Variants in IFRD2 observed in about 807,000 individuals in gnomAD.
IFRD2 encodes the protein interferon related developmental regulator 2, also known as interferon-related developmental regulator 2.
IFRD2 carries 35 observed loss-of-function variants against 49.2 expected under a neutral mutation model. The observed-to-expected ratio is 0.71, with a 90% CI of 0.54 to 0.94. The LOEUF is 0.94. IFRD2 is among the 40% of genes least tolerant of loss of function. IFRD2 has a pLI of 0.00. For missense variants in IFRD2, 561 were observed against 591.6 expected (o/e 0.95, Z 0.54); for synonymous variants, 275 against 239.7 (o/e 1.15, Z -1.36).
rs781800661 is a variant in IFRD2 at position 50,289,321 on chromosome 3, A to T, written c.819T>A (p.Ser273Arg). 3 of 1,601,286 alleles carry T rather than the reference A, an allele frequency of 1.9e-6. No homozygotes were observed. Among genetic ancestry groups the T allele is most frequent in the Non-Finnish European group, 2.6e-6 (3 of 1,174,324 alleles). Reference sequence around the variant, plus strand: ...CACCGGCAGCGATCCGCAGGTTCACACTTTCACTGGACAAGAGCTGGGGCA... The same window carrying T: ...CACCGGCAGCGATCCGCAGGTTCACTCTTTCACTGGACAAGAGCTGGGGCA... ...PRLPQLLSSE[S>R]VNLRIAAGET... is the part of the protein sequence containing the mutation. The change falls in exon 8 of 12, where the codon AGT (serine) becomes AGA (arginine). Residue 273 changes from serine (S) to arginine (R), a missense_variant. Physicochemically the swap from Ser to Arg is moderately radical, Grantham distance 110 (BLOSUM62 -1). Transcript: ENST00000417626.
In IFRD2 at chr3:50,288,421, T is replaced by C; in HGVS notation, c.1236A>G (p.Pro412=). ...CAAGGGTGCAAACCTTCTCAAAGCG[T>C]GGAACCTTGCAGGCCTTCAGGGCAG... ...DATALKACKV[P]RFEKHLYNAA... Residue 412 remains proline (P), a synonymous_variant, in exon 11 of 12, where the codon CCA becomes CCG. Transcript: ENST00000417626. The C allele has an allele frequency of 6.2e-7, 1 of 1,613,138 alleles. No homozygotes were observed. The highest frequency in any genetic ancestry group is 1.1e-5 in the South Asian group (1 of 90,958).
rs782656865 is a variant in IFRD2, at chr3:50,290,502, T to C, written c.179-30A>G. ...AAGGCCACCTGGTCAGCACCGCTTC[T>C]TGTCCTCAGCCCATGGAGCCCTCAC... On this transcript the variant is annotated intron_variant, in intron 2 of 11. Coordinates refer to ENST00000417626, the MANE Select transcript of IFRD2 (RefSeq NM_006764.5). 26 of 1,596,046 alleles carry C rather than the reference T, an allele frequency of 1.6e-5. No individual in the cohort carries two copies. The South Asian group carries it at 2.7e-4, about 17-fold the overall frequency.
rs1701601381 is a variant in IFRD2 at position 50,288,437 on chromosome 3, T to C, written c.1220A>G (p.Lys407Arg). 1.2e-6 allele frequency: 2 copies of C among 1,613,664 alleles called. No individual in the cohort carries two copies. Among genetic ancestry groups the C allele is most frequent in the East Asian group, 4.5e-5 (2 of 44,886 alleles). Residue 407 changes from lysine (K) to arginine (R), a missense_variant, in exon 11 of 12, where the codon AAG becomes AGG. Coordinates refer to ENST00000417626, the MANE Select transcript of IFRD2 (RefSeq NM_006764.5). ...PVLLLDATALKACKVPRFEKH... is the reference protein window; with the variant it reads ...PVLLLDATALRACKVPRFEKH... ...CTCAAAGCGTGGAACCTTGCAGGCC[T>C]TCAGGGCAGTGGCATCCAGCAACAG...
chr3:50,292,143 GAAC>G, intron 1 of IFRD2, 71 bp downstream of exon 1: 1 of 1,399,068 alleles, frequency 7.1e-7, no homozygotes, highest in African/African-American at 1.5e-5. Context: ...GGGCCCTCGA[GAAC>G]AACCAAGGGG....
In IFRD2 at chr3:50,288,282, G is replaced by T. The variant is rs1553708915; in HGVS notation, c.1249-11C>A. ...AGCATTGTACAGGTGCTAGAGTGGGGACAGAGAGTGACACCCTGGGGAGCT... is the reference window on the plus strand; with the variant it reads ...AGCATTGTACAGGTGCTAGAGTGGGTACAGAGAGTGACACCCTGGGGAGCT... On this transcript the variant is annotated splice_polypyrimidine_tract_variant and intron_variant, in intron 11 of 11. Coordinates refer to ENST00000417626, the MANE Select transcript of IFRD2 (RefSeq NM_006764.5). 6.2e-7 allele frequency: 1 copy of T among 1,613,040 alleles called. No individual in the cohort carries two copies. The highest frequency in any genetic ancestry group is 8.5e-7 in the Non-Finnish European group (1 of 1,179,216).
In IFRD2 at chr3:50,290,204, C is replaced by T. The variant is rs368747166; in HGVS notation, c.354G>A (p.Thr118=). 1.3e-5 allele frequency: 21 copies of T among 1,613,620 alleles called. No individual in the cohort carries two copies. The highest frequency in any genetic ancestry group is 1.6e-5 in the Non-Finnish European group (19 of 1,179,788). ...GGCACTTTTCCAGGGCATCGGCTAG[C>T]GTGAGGCGGCGCTCCAGCAAGAAGT... is the stretch of plus-strand genomic sequence containing the variant. The part of the protein sequence containing the change: ...LPDFLLERRL[T]LADALEKCLK... Residue 118 remains threonine, a synonymous_variant, in exon 4 of 12, where the codon ACG becomes ACA. Transcript: ENST00000417626.
At chr3:50,290,494 A>G (rs1553709643) in intron 2 of IFRD2, 22 bp from the exon 3 acceptor site, 1 of 1,588,650 alleles carries the variant, frequency 6.3e-7, no homozygotes, top group Non-Finnish European at 8.6e-7. Context: ...CCTGGTCAGC[A>G]CCGCTTCTTG....
In IFRD2 at chr3:50,287,909, G is replaced by A; in HGVS notation, c.*282C>T. On this transcript the variant is annotated 3_prime_UTR_variant, in exon 12 of 12. Transcript: ENST00000417626. ...GGGGAGCAAGGCCTGAGAAAGGAAA[G>A]GAAGGGAAAGGCCCCCTAGTGCCTG... is the stretch of plus-strand genomic sequence containing the variant. The A allele has an allele frequency of 2.3e-6, 1 of 427,860 alleles. No homozygotes were observed. The highest frequency in any genetic ancestry group is 3.0e-5 in the South Asian group (1 of 33,468). The allele number at this position is 427,860 out of a possible 1,614,324, so 26.5% of individuals were successfully genotyped here. A position where few individuals can be genotyped will look rare whatever the true frequency, so the allele number is the denominator to read the frequency against.
intron 8 of IFRD2, 108 bp downstream of exon 8, chr3:50,289,147 C>T: frequency 5.1e-6 from 6 of 1,186,474 alleles, no homozygotes; most frequent in Non-Finnish European, 7.3e-6. Flanking sequence ...GGGGCCACCT[C>T]CTCTGCATAA....
chr3:50,289,859 T>C (rs1240634757), intron 5 of IFRD2, 70 bp downstream of exon 5: 1 of 1,598,672 alleles, frequency 6.3e-7, no homozygotes, highest in Non-Finnish European at 8.5e-7. Flanking sequence ...AGGCTGAAGA[T>C]AGGGGGAACC....
Position 50,289,751 on chromosome 3 carries a change from G to A in IFRD2, c.558C>T (p.Ala186=), listed in dbSNP as rs782812867. 6.9e-6 allele frequency: 11 copies of A among 1,602,694 alleles called. No individual in the cohort carries two copies. In the East Asian group the frequency reaches 1.8e-4, roughly 26 times the overall value. ...SPAARLHCAS[A]LGLGCYVAAA... ...CAGCCACGTAGCAGCCCAGGCCAAG[G>A]GCAGAAGCACACTGTTGGGAGAAGG... The change falls in exon 6 of 12, where the codon GCC becomes GCT. Residue 186 remains alanine, a synonymous_variant. Coordinates refer to ENST00000417626, the MANE Select transcript of IFRD2 (RefSeq NM_006764.5).
rs1553709979 is a variant in IFRD2, at chr3:50,292,394, C to T, written c.-120G>A. On this transcript the variant is annotated 5_prime_UTR_variant, in exon 1 of 12. Coordinates refer to ENST00000417626, the MANE Select transcript of IFRD2 (RefSeq NM_006764.5). ...TGGCCAGACGACGGGAGCCACACGCCACGCGCGCCACCATCTTCGCGAGGC... is the reference window on the plus strand; with the variant it reads ...TGGCCAGACGACGGGAGCCACACGCTACGCGCGCCACCATCTTCGCGAGGC... 1.0e-5 allele frequency: 16 copies of T among 1,587,642 alleles called. No homozygotes were observed. The highest frequency in any genetic ancestry group is 1.3e-5 in the African/African-American group (1 of 74,502).
intron 7 of IFRD2, 27 bp from the exon 8 acceptor site, chr3:50,289,387 T>C (rs1553709259): frequency 1.3e-6 from 2 of 1,577,166 alleles, no homozygotes; most frequent in Admixed American, 1.9e-5. Context: ...CTGAGCTATA[T>C]GTGTGGCTTG....
Position 50,289,981 on chromosome 3 carries a change from A to G in IFRD2, c.494T>C (p.Leu165Pro), listed in dbSNP as rs1236186589. ...GCTGTCACTGAGCACAGAGACCAGC[A>G]GAGGCTGCAGGCTGTGAAACAGCTC... ...GEELFHSLQP[L>P]LVSVLSDSTA... Residue 165 changes from leucine (L) to proline (P), a missense_variant, in exon 5 of 12, where the codon CTG (leucine) becomes CCG (proline). Physicochemically the swap from Leu to Pro is moderately conservative, Grantham distance 98 (BLOSUM62 -3). Transcript: ENST00000417626. The G allele has an allele frequency of 6.2e-7, 1 of 1,612,800 alleles. No individual in the cohort carries two copies. Among genetic ancestry groups the G allele is most frequent in the East Asian group, 2.2e-5 (1 of 44,850 alleles).
At chr3:50,290,360 G>T (rs1553709597) in intron 3 of IFRD2, 28 bp downstream of exon 3, 1 of 1,594,552 alleles carries the variant, frequency 6.3e-7, no homozygotes, top group African/African-American at 1.3e-5. Context: ...GGAGCTGGGT[G>T]TAGGAGTTGG....
chr3:50,290,486 T>A lies in IFRD2; in HGVS notation c.179-14A>T, dbSNP rs1553709638. 1 of 1,584,746 alleles carries A rather than the reference T, an allele frequency of 6.3e-7. No homozygotes were observed. Among genetic ancestry groups the A allele is most frequent in the East Asian group, 2.3e-5 (1 of 43,572 alleles). ...CGACATCCCCCCCTGCAAGGCCACC[T>A]GGTCAGCACCGCTTCTTGTCCTCAG... is the stretch of plus-strand genomic sequence containing the variant. On this transcript the variant is annotated splice_polypyrimidine_tract_variant and intron_variant, in intron 2 of 11. Coordinates refer to ENST00000417626, the MANE Select transcript of IFRD2 (RefSeq NM_006764.5).
intron 1 of IFRD2, 96 bp downstream of exon 1, chr3:50,292,121 G>T: frequency 7.7e-7 from 1 of 1,299,582 alleles, no homozygotes; most frequent in Non-Finnish European, 1.0e-6. Flanking sequence ...GGCCGAGGGG[G>T]TTCCCCACCC....
rs781995441 is a variant in IFRD2, at chr3:50,289,585, C to T, written c.641G>A (p.Arg214Gln). The stretch of plus-strand genomic sequence containing the variant: ...GGAGCTGCCCCCCAAGCCATAGAAC[C>T]GGCTGAAAACACTTTCTAAGCAGGC... ...CLACLESVFSRFYGLGGSSTS... is the reference protein window; with the variant it reads ...CLACLESVFSQFYGLGGSSTS... The change falls in exon 7 of 12, where the codon CGG becomes CAG. Residue 214 changes from arginine to glutamine, a missense_variant. Coordinates refer to ENST00000417626, the MANE Select transcript of IFRD2 (RefSeq NM_006764.5). 2.8e-5 allele frequency: 45 copies of T among 1,590,516 alleles called. No individual in the cohort carries two copies. In the South Asian group the frequency reaches 3.0e-4, roughly 11 times the overall value.
chr3:50,292,090 T>C, intron 1 of IFRD2, 127 bp downstream of exon 1: 2 of 1,050,094 alleles, frequency 1.9e-6, no homozygotes, highest in Non-Finnish European at 2.6e-6. Flanking sequence ...TCGGTAGAGT[T>C]ATGGGAAGCT....
Sources: gnomAD v4.1 joint callset for allele counts on GRCh38, gnomAD v4.1.1 for gene constraint, MANE v1.5 for transcripts, NCBI Gene and HGNC (gene_info 2026-07-23, HGNC 2026-07-21) for gene names.